ARL5B: variants seen among roughly 807,000 people sequenced by gnomAD.
ARL5B encodes ARF like GTPase 5B, also known as ADP-ribosylation factor-like protein 5B.
A neutral mutation model predicts 26.9 loss-of-function variants in ARL5B; 10 were observed. The observed-to-expected ratio is 0.37, with a 90% CI of 0.23 to 0.63. ARL5B has a LOEUF of 0.63. Among genes scored for constraint, ARL5B ranks in the 30% least tolerant of loss-of-function variants. The pLI is 0.62. For missense variants in ARL5B, 167 were observed against 213.9 expected (o/e 0.78, Z 1.37); for synonymous variants, 87 against 70.4 (o/e 1.24, Z -1.18).
rs975587994 is a variant in ARL5B, at chr10:18,677,051, G to T, written c.*1835G>T. On this transcript the variant is annotated 3_prime_UTR_variant, in exon 6 of 6. Transcript: ENST00000377275. The stretch of plus-strand genomic sequence containing the variant: ...TTTGTGGTGTGTGTGGGATGTGGGG[G>T]AATTAAGAAAATGCCATTTACCTAA... 2 of 152,178 alleles carry T rather than the reference G, an allele frequency of 1.3e-5. No homozygotes were observed. The highest frequency in any genetic ancestry group is 2.4e-5 in the African/African-American group (1 of 41,328). The allele number at this position is 152,178 out of a possible 1,614,324, so 9.4% of individuals were successfully genotyped here.
Position 18,676,350 on chromosome 10 carries a change from C to G in ARL5B, c.*1134C>G, listed in dbSNP as rs1308602411. ...TTGGGTTCTAAAATGTTATAGGAAA[C>G]TGCTGAATTGAATCCTAGCTTTTAG... On this transcript the variant is annotated 3_prime_UTR_variant, in exon 6 of 6. Transcript: ENST00000377275. The G allele has an allele frequency of 1.3e-5, 2 of 152,292 alleles. No individual in the cohort carries two copies. Among genetic ancestry groups the G allele is most frequent in the Non-Finnish European group, 2.9e-5 (2 of 67,890 alleles). 9.4% of individuals were successfully genotyped at this position (152,292 alleles called of 1,614,324 possible). A position where few individuals can be genotyped will look rare whatever the true frequency, so the allele number is the denominator to read the frequency against.
At chr10:18,673,487 C>T (rs11015540) in intron 4 of ARL5B, among the ~76,000 whole-genome samples, 7,417 of 152,210 alleles carry the variant, frequency 0.049, 282 homozygotes, top group Non-Finnish European at 0.077. Flanking sequence ...GTACTGCTTT[C>T]GTTCATTCCT....
At chr10:18,664,614 A>G (rs2059852871) in intron 1 of ARL5B, among the ~76,000 whole-genome samples, 1 of 149,904 alleles carries the variant, frequency 6.7e-6, no homozygotes, top group African/African-American at 2.5e-5. Context: ...ATTTTTTTGT[A>G]TTTTTTGTAG....
rs1017827552 is a variant in ARL5B, at chr10:18,680,466, A to G, written c.*5250A>G. On this transcript the variant is annotated 3_prime_UTR_variant, in exon 6 of 6. Transcript: ENST00000377275. ...TCTTTTATACTGTGAATATATTTCC[A>G]TCAGTGTTGGTAAGATATCAAATGA... The G allele has an allele frequency of 1.3e-5, 2 of 152,078 alleles. No homozygotes were observed. Among genetic ancestry groups the G allele is most frequent in the Admixed American group, 6.6e-5 (1 of 15,258 alleles). The allele number at this position is 152,078 out of a possible 1,614,324, so 9.4% of individuals were successfully genotyped here. A position where few individuals can be genotyped will look rare whatever the true frequency, so the allele number is the denominator to read the frequency against.
rs1194798317 is a variant in ARL5B, at chr10:18,659,440, G to A, written c.-198G>A. 2 of 664,758 alleles carry A rather than the reference G, an allele frequency of 3.0e-6. No individual in the cohort carries two copies. The highest frequency in any genetic ancestry group is 3.7e-5 in the Admixed American group (1 of 27,366). 41.2% of individuals were successfully genotyped at this position (664,758 alleles called of 1,614,324 possible). A position where few individuals can be genotyped will look rare whatever the true frequency, so the allele number is the denominator to read the frequency against. On this transcript the variant is annotated 5_prime_UTR_variant, in exon 1 of 6. Transcript: ENST00000377275. ...GGTCGGCGTTGGGCTCAGTGGGCTC[G>A]AAACAAAGGGCTGTCCGGTGGGGAT...
intron 3 of ARL5B, among the ~76,000 whole-genome samples, chr10:18,669,580 C>G (rs1042324538): frequency 6.6e-6 from 1 of 152,108 alleles, no homozygotes; most frequent in African/African-American, 2.4e-5. Context: ...AAAAGCCATT[C>G]AATGTAGTTT....
chr10:18,679,499 A>G lies in ARL5B; in HGVS notation c.*4283A>G, dbSNP rs1050435566. 3.3e-5 allele frequency: 5 copies of G among 151,880 alleles called. No homozygotes were observed. Among genetic ancestry groups the G allele is most frequent in the Non-Finnish European group, 5.9e-5 (4 of 67,820 alleles). The allele number at this position is 151,880 out of a possible 1,614,324, so 9.4% of individuals were successfully genotyped here. A position where few individuals can be genotyped will look rare whatever the true frequency, so the allele number is the denominator to read the frequency against. On this transcript the variant is annotated 3_prime_UTR_variant, in exon 6 of 6. Transcript: ENST00000377275. Reference sequence around the variant, plus strand: ...AGTTTTTCAGTAGCGTCTCCTCCTTATTCATTCACTTTTACTGTGAAGACT... The same window carrying G: ...AGTTTTTCAGTAGCGTCTCCTCCTTGTTCATTCACTTTTACTGTGAAGACT...
intron 4 of ARL5B, among the ~76,000 whole-genome samples, chr10:18,673,149 G>A (rs1393894161): frequency 2.6e-5 from 4 of 151,736 alleles, no homozygotes; most frequent in East Asian, 1.9e-4. Context: ...TGCAACCTCC[G>A]CCTCCTGGGT....
At chr10:18,663,546 C>CTTTTTTTT (rs10645351) in intron 1 of ARL5B, among the ~76,000 whole-genome samples, 22 of 97,934 alleles carry the variant, frequency 2.2e-4, no homozygotes, top group East Asian at 9.5e-4. Flanking sequence ...TTATTCTGCT[C>CTTTTTTTT]TTTTTTTTTT....
chr10:18,661,789 A>C (rs1376368908), intron 1 of ARL5B, among the ~76,000 whole-genome samples: 1 of 152,238 alleles, frequency 6.6e-6, no homozygotes, highest in African/African-American at 2.4e-5. Flanking sequence ...ACCGAATAGA[A>C]GGGACGTGTT....
intron 4 of ARL5B, 32 bp from the exon 5 acceptor site, chr10:18,673,952 C>T (rs1300979980): frequency 1.9e-6 from 3 of 1,566,656 alleles, no homozygotes; most frequent in Non-Finnish European, 2.6e-6. Flanking sequence ...TGTGGTATTT[C>T]ACATATTAGA....
At chr10:18,660,408 C>A (rs2059826570) in intron 1 of ARL5B, among the ~76,000 whole-genome samples, 1 of 152,088 alleles carries the variant, frequency 6.6e-6, no homozygotes, top group Admixed American at 6.6e-5. Context: ...AGAGAAAACA[C>A]CCAGACCAAA....
rs2059818598 is a variant in ARL5B, at chr10:18,659,732, C to T, written c.46+49C>T. ...CGGCTCGAATCCGAGGCAGAGGGTC[C>T]CGCCGCCGATGGGGACACCGGAGAC... is the stretch of plus-strand genomic sequence containing the variant. On this transcript the variant is annotated intron_variant, in intron 1 of 5. Coordinates refer to ENST00000377275, the MANE Select transcript of ARL5B (RefSeq NM_178815.5). 1.9e-6 allele frequency: 3 copies of T among 1,596,648 alleles called. No homozygotes were observed. In the African/African-American group the frequency reaches 4.0e-5, roughly 21 times the overall value.
In ARL5B at chr10:18,679,875, T is replaced by G. The variant is rs1301114928; in HGVS notation, c.*4659T>G. 1 of 151,956 alleles carries G rather than the reference T, an allele frequency of 6.6e-6. No homozygotes were observed. The highest frequency in any genetic ancestry group is 1.5e-5 in the Non-Finnish European group (1 of 67,868). The allele number at this position is 151,956 out of a possible 1,614,324, so 9.4% of individuals were successfully genotyped here. ...TGCCTCTCCTCGTATTTAGGGTACT[T>G]AAAATTACTAAAAAATACTGTCTTT... is the stretch of plus-strand genomic sequence containing the variant. On this transcript the variant is annotated 3_prime_UTR_variant, in exon 6 of 6. Coordinates refer to ENST00000377275, the MANE Select transcript of ARL5B (RefSeq NM_178815.5).
intron 1 of ARL5B, among the ~76,000 whole-genome samples, chr10:18,663,835 A>T (rs2059848262): frequency 6.6e-6 from 1 of 152,022 alleles, no homozygotes; most frequent in Admixed American, 6.6e-5. Context: ...GGTGTGAGCT[A>T]CTGCGCCCGG....
At chr10:18,660,542 A>G (rs1182344302) in intron 1 of ARL5B, among the ~76,000 whole-genome samples, 2 of 152,224 alleles carry the variant, frequency 1.3e-5, no homozygotes, top group Non-Finnish European at 2.9e-5. Flanking sequence ...CATCGTTAAT[A>G]AGCCAGTTTT....
At chr10:18,666,724 GA>G in intron 2 of ARL5B, 89 bp downstream of exon 2, 1 of 1,124,642 alleles carries the variant, frequency 8.9e-7, no homozygotes, top group South Asian at 1.9e-5. Flanking sequence ...AATAATGACG[GA>G]AAAACTTAAA....
intron 2 of ARL5B, 146 bp from the exon 3 acceptor site, chr10:18,668,384 G>GC: frequency 1.4e-6 from 1 of 731,844 alleles, no homozygotes; most frequent in South Asian, 2.4e-5. Flanking sequence ...ATTGATTTGC[G>GC]CAAGTGTTCT....
Position 18,674,058 on chromosome 10 carries a change from C to G in ARL5B, c.414C>G (p.Ile138Met). The part of the protein sequence containing the change: ...DMKGCMTAAE[I>M]SKYLTLSSIK... Reference sequence around the variant, plus strand: ...AAGGGTGTATGACAGCAGCTGAAATCTCGAAATACCTCACCCTTAGTTCAA... The same window carrying G: ...AAGGGTGTATGACAGCAGCTGAAATGTCGAAATACCTCACCCTTAGTTCAA... The change falls in exon 5 of 6, where the codon ATC becomes ATG. Residue 138 changes from isoleucine (I) to methionine (M), a missense_variant. By Grantham distance (10) the Ile-to-Met change is conservative. Transcript: ENST00000377275. 6.2e-7 allele frequency: 1 copy of G among 1,613,174 alleles called. No individual in the cohort carries two copies. Among genetic ancestry groups the G allele is most frequent in the Non-Finnish European group, 8.5e-7 (1 of 1,179,530 alleles).
Sources: allele counts gnomAD v4.1 joint callset (sites outside exome capture counted in the v4.1 genomes callset), GRCh38; gene constraint gnomAD v4.1.1; transcripts MANE v1.5; gene names NCBI Gene and HGNC (gene_info 2026-07-23, HGNC 2026-07-21).